HMCN1: variants seen among roughly 807,000 people sequenced by gnomAD.
The protein encoded by HMCN1 is hemicentin 1.
HMCN1 carries 321 observed loss-of-function variants against 625.9 expected under a neutral mutation model. The ratio of observed to expected loss-of-function variants is 0.51; its 90% CI spans 0.47 to 0.56. The LOEUF is 0.56. HMCN1 is among the 20% of genes least tolerant of loss of function. The pLI is 0.00. For missense variants in HMCN1, 6,588 were observed against 6,887.3 expected (o/e 0.96, Z 1.54); for synonymous variants, 2,425 against 2,417.6 (o/e 1.00, Z -0.09).
intron 1 of HMCN1, among the ~76,000 whole-genome samples, chr1:185,787,154 T>TGTGTGTGTGA (rs1211711330): frequency 6.6e-6 from 1 of 151,640 alleles, no homozygotes; most frequent in Non-Finnish European, 1.5e-5. Context: ...TGTGTGTGTG[T>TGTGTGTGTGA]GTGTGTGTGT....
At chr1:185,957,905 CTT>C (rs1445729275) in intron 11 of HMCN1, among the ~76,000 whole-genome samples, 2 of 151,732 alleles carry the variant, frequency 1.3e-5, no homozygotes, top group African/African-American at 2.4e-5. Flanking sequence ...TATTATAACT[CTT>C]TTTAACATGT....
At chr1:185,891,643 C>T (rs1162684896) in intron 4 of HMCN1, among the ~76,000 whole-genome samples, 1 of 148,070 alleles carries the variant, frequency 6.8e-6, no homozygotes. Context: ...TTGGCCCCCA[C>T]TCTCTTCTGG....
intron 1 of HMCN1, among the ~76,000 whole-genome samples, chr1:185,742,375 G>A (rs1326255914): frequency 6.6e-6 from 1 of 152,126 alleles, no homozygotes; most frequent in Non-Finnish European, 1.5e-5. Context: ...CAGTGACTTT[G>A]TATAGTTTGG....
chr1:185,969,266 G>A (rs929330784), intron 14 of HMCN1, among the ~76,000 whole-genome samples: 6 of 152,192 alleles, frequency 3.9e-5, no homozygotes, highest in Non-Finnish European at 8.8e-5. Context: ...CACGTGGTAT[G>A]TAGTAGCGAG....
chr1:186,103,645 G>C lies in HMCN1; in HGVS notation c.10747G>C (p.Val3583Leu), dbSNP rs768847977. Residue 3583 changes from valine to leucine, a missense_variant, in exon 69 of 107, where the codon GTT becomes CTT. Physicochemically the swap from Val to Leu is conservative, Grantham distance 32. This residue lies in a region of HMCN1 where 4,628 missense variants were observed against 4,853.1 expected (regional missense o/e 0.95). Transcript: ENST00000271588. ...DQVQTLGGGE[V>L]LRISTAQVED... is the part of the protein sequence containing the mutation. Reference sequence around the variant, plus strand: ...AGTGCAAACTCTAGGAGGAGGAGAGGTTCTTCGAATTTCTACTGCTCAGGT... The same window carrying C: ...AGTGCAAACTCTAGGAGGAGGAGAGCTTCTTCGAATTTCTACTGCTCAGGT... 6.2e-7 allele frequency: 1 copy of C among 1,613,686 alleles called. No homozygotes were observed. Among genetic ancestry groups the C allele is most frequent in the Middle Eastern group, 1.6e-4 (1 of 6,062 alleles).
intron 52 of HMCN1, among the ~76,000 whole-genome samples, chr1:186,072,609 A>C (rs935521089): frequency 6.6e-6 from 1 of 152,204 alleles, no homozygotes; most frequent in Non-Finnish European, 1.5e-5. Context: ...AAGGGTGGAG[A>C]GTGTGATTTC....
chr1:186,158,987 T>A (rs1380316389), intron 97 of HMCN1, among the ~76,000 whole-genome samples: 1 of 152,194 alleles, frequency 6.6e-6, no homozygotes, highest in Non-Finnish European at 1.5e-5. Flanking sequence ...GGTAGCTTGA[T>A]GGGGATGGCA....
chr1:185,797,944 C>A (rs865872903), intron 1 of HMCN1, among the ~76,000 whole-genome samples: 1 of 91,562 alleles, frequency 1.1e-5, no homozygotes. Context: ...CCAGCCTGGG[C>A]GACAGAGCGA....
chr1:185,970,575 G>A, intron 15 of HMCN1, 82 bp downstream of exon 15: 1 of 1,257,086 alleles, frequency 8.0e-7, no homozygotes, highest in Non-Finnish European at 1.2e-6. Flanking sequence ...AAATGGTTTG[G>A]TAGAATTATT....
chr1:185,924,324 G>A (rs1232890902), intron 8 of HMCN1, among the ~76,000 whole-genome samples: 3 of 137,440 alleles, frequency 2.2e-5, no homozygotes, highest in East Asian at 2.4e-4. Context: ...CCCGCCTCCC[G>A]GGTTCACGTC....
In HMCN1 at chr1:186,090,801, T is replaced by G. The variant is rs1659797743; in HGVS notation, c.9771T>G (p.Ser3257Arg). The change falls in exon 64 of 107, where the codon AGT (serine) becomes AGG (arginine). Residue 3257 changes from serine (S) to arginine (R), a missense_variant. Coordinates refer to ENST00000271588, the MANE Select transcript of HMCN1 (RefSeq NM_031935.3). The stretch of plus-strand genomic sequence containing the variant: ...GTGCTGAAATTCCAAGTGATGTCAG[T>G]GTCCTTCTAGGAGAAAATGTTGAGC... The part of the protein sequence containing the change: ...VAGAEIPSDV[S>R]VLLGENVELV... 1.2e-6 allele frequency: 2 copies of G among 1,612,674 alleles called. No individual in the cohort carries two copies. Among genetic ancestry groups the G allele is most frequent in the African/African-American group, 1.3e-5 (1 of 74,966 alleles).
intron 19 of HMCN1, among the ~76,000 whole-genome samples, chr1:185,985,815 C>T (rs761438047): frequency 2.6e-5 from 4 of 152,118 alleles, no homozygotes; most frequent in Admixed American, 6.5e-5. Context: ...TAAGAATACT[C>T]ATTAAAGGCT....
intron 1 of HMCN1, among the ~76,000 whole-genome samples, chr1:185,830,000 A>G (rs1011885907): frequency 1.3e-5 from 2 of 152,104 alleles, no homozygotes; most frequent in Non-Finnish European, 2.9e-5. Context: ...ATGATTAGTG[A>G]TGTTGAGCTT....
chr1:185,989,061 G>T (rs1472627888), intron 20 of HMCN1, among the ~76,000 whole-genome samples: 4 of 141,258 alleles, frequency 2.8e-5, no homozygotes, highest in Admixed American at 2.2e-4. Flanking sequence ...AGGCTGGAGT[G>T]CAGTGGCACG....
intron 106 of HMCN1, among the ~76,000 whole-genome samples, chr1:186,188,891 A>AT (rs1297795316): frequency 2.0e-5 from 3 of 152,108 alleles, no homozygotes; most frequent in East Asian, 1.9e-4. Flanking sequence ...TTCTCTGTGC[A>AT]TTTTTTCCCT....
At chr1:185,962,736 C>CCAAATCCCT in intron 12 of HMCN1, 77 bp downstream of exon 12, 1 of 841,032 alleles carries the variant, frequency 1.2e-6, no homozygotes, top group South Asian at 1.3e-5. Context: ...ACTAATATGA[C>CCAAATCCCT]CAAATCCCTA....
rs193181922 is a variant in HMCN1, at chr1:186,068,622, C to A, written c.7879+615C>A. Among the ~76,000 whole-genome samples, 1,305 of 152,156 alleles carry A rather than the reference C, an allele frequency of 8.6e-3. 20 individuals are homozygous for A. Among genetic ancestry groups the A allele is most frequent in the African/African-American group, 0.029 (1,225 of 41,526 alleles). On this transcript the variant is annotated intron_variant, in intron 50 of 106. Coordinates refer to ENST00000271588, the MANE Select transcript of HMCN1 (RefSeq NM_031935.3). Reference sequence around the variant, plus strand: ...GTGGCTCACGCCTGTAATCCTAGCACTTTGGGAGGCTGAGGCGGGCAGATC... The same window carrying A: ...GTGGCTCACGCCTGTAATCCTAGCAATTTGGGAGGCTGAGGCGGGCAGATC...
chr1:186,022,996 A>T, intron 35 of HMCN1, 34 bp from the exon 36 acceptor site: 1 of 1,607,884 alleles, frequency 6.2e-7, no homozygotes, highest in Non-Finnish European at 8.5e-7. Flanking sequence ...AGTATAAGAT[A>T]CAAAAATCCT....
chr1:186,180,218 C>T (rs1181377979), intron 104 of HMCN1, among the ~76,000 whole-genome samples: 5 of 152,122 alleles, frequency 3.3e-5, no homozygotes, highest in African/African-American at 1.2e-4. Flanking sequence ...ATTTTATGCC[C>T]ACAATTTTGA....
Sources: gnomAD v4.1 joint callset for allele counts (sites outside exome capture counted in the v4.1 genomes callset) on GRCh38, gnomAD v4.1.1 for gene constraint, gnomAD v4.1.1 regional missense constraint, MANE v1.5 for transcripts, NCBI Gene and HGNC (gene_info 2026-07-23, HGNC 2026-07-21) for gene names.